The following DLG2 variants were observed in gnomAD, a reference collection of about 807,000 sequenced individuals.
DLG2 encodes discs large MAGUK scaffold protein 2, also known as disks large homolog 2.
In DLG2, 45 loss-of-function variants were observed where a neutral mutation model predicts 132.5. The ratio of observed to expected loss-of-function variants is 0.34; its 90% CI spans 0.27 to 0.44. The LOEUF (loss-of-function observed/expected upper bound fraction) is 0.44, where lower values mean the gene tolerates loss of function less well. Among genes scored for constraint, DLG2 ranks in the 20% least tolerant of loss-of-function variants. The probability of loss-of-function intolerance (pLI) is 1.00; values close to 1 mark genes in which losing one functional copy is unlikely to be tolerated. For missense variants in DLG2, 1,045 were observed against 1,196.9 expected (o/e 0.87, Z 1.87); for synonymous variants, 424 against 419.6 (o/e 1.01, Z -0.13).
intron 16 of DLG2, 151 bp from the exon 17 acceptor site, chr11:83,833,921 C>T: frequency 1.3e-6 from 1 of 775,368 alleles, no homozygotes; most frequent in Non-Finnish European, 1.9e-6. Context: ...AAGAAAGAGG[C>T]TAATATCAGG....
intron 18 of DLG2, among the ~76,000 whole-genome samples, chr11:83,782,831 C>T (rs1276347281): frequency 1.3e-5 from 2 of 151,810 alleles, no homozygotes; most frequent in African/African-American, 2.4e-5. Context: ...ATTCTGAAAT[C>T]AAAGGGGAAG....
chr11:85,332,861 G>C (rs1003629634), intron 3 of DLG2, among the ~76,000 whole-genome samples: 3 of 152,182 alleles, frequency 2.0e-5, no homozygotes, highest in Admixed American at 6.5e-5. Flanking sequence ...TAGACTTGTA[G>C]TATAGTTTGA....
chr11:83,851,920 TAAAAAAAAA>T (rs754089296), intron 16 of DLG2, among the ~76,000 whole-genome samples: 1 of 128,524 alleles, frequency 7.8e-6, no homozygotes, highest in Admixed American at 7.8e-5. Flanking sequence ...CTCCGTCTCT[TAAAAAAAAA>T]AAAAAAAAAG....
chr11:85,498,584 T>C (rs1190113048), intron 3 of DLG2, among the ~76,000 whole-genome samples: 4 of 152,124 alleles, frequency 2.6e-5, no homozygotes, highest in Non-Finnish European at 5.9e-5. Context: ...GCAGACCTAA[T>C]AGACTTCTAC....
At chr11:85,015,409 AT>A (rs1349788003) in intron 6 of DLG2, among the ~76,000 whole-genome samples, 9 of 47,866 alleles carry the variant, frequency 1.9e-4, no homozygotes, top group African/African-American at 6.5e-4. Flanking sequence ...AGCCAGTGTT[AT>A]TTAAAAAAAA....
At chr11:85,265,199 G>C (rs1490462113) in intron 4 of DLG2, among the ~76,000 whole-genome samples, 1 of 152,062 alleles carries the variant, frequency 6.6e-6, no homozygotes, top group East Asian at 1.9e-4. Flanking sequence ...TCATATTGTA[G>C]TACAGACTGA....
chr11:83,510,004 A>T (rs2139798350), intron 21 of DLG2, among the ~76,000 whole-genome samples: 1 of 152,346 alleles, frequency 6.6e-6, no homozygotes, highest in Admixed American at 6.5e-5. Flanking sequence ...CAAATATTTA[A>T]GCTATAAATG....
At chr11:83,859,816 G>GA (rs575248828) in intron 16 of DLG2, among the ~76,000 whole-genome samples, 1 of 152,062 alleles carries the variant, frequency 6.6e-6, no homozygotes, top group Non-Finnish European at 1.5e-5. Flanking sequence ...GGTTTAGGGG[G>GA]AAAAAATGGT....
chr11:84,952,346 TCTC>T (rs2051045075), intron 6 of DLG2, among the ~76,000 whole-genome samples: 1 of 151,874 alleles, frequency 6.6e-6, no homozygotes, highest in Admixed American at 6.6e-5. Flanking sequence ...TGAAACCCCG[TCTC>T]TACTAAAAAT....
chr11:83,763,025 C>G (rs2093979307), intron 18 of DLG2, among the ~76,000 whole-genome samples: 1 of 152,140 alleles, frequency 6.6e-6, no homozygotes, highest in Non-Finnish European at 1.5e-5. Flanking sequence ...GAGCAGCAAC[C>G]TCCCTGTCCA....
intron 6 of DLG2, among the ~76,000 whole-genome samples, chr11:84,840,426 G>A (rs764410726): frequency 4.6e-5 from 7 of 152,188 alleles, no homozygotes; most frequent in Non-Finnish European, 7.3e-5. Context: ...GTGGAAGACA[G>A]TGTGACTAAT....
chr11:83,604,322 A>T (rs1366720482), intron 19 of DLG2, among the ~76,000 whole-genome samples: 2 of 152,222 alleles, frequency 1.3e-5, no homozygotes, highest in Non-Finnish European at 2.9e-5. Context: ...GCACAGGCAA[A>T]TGTTACCAAG....
chr11:83,645,262 T>C (rs918941581), intron 18 of DLG2, among the ~76,000 whole-genome samples: 11 of 152,158 alleles, frequency 7.2e-5, no homozygotes, highest in African/African-American at 2.7e-4. Context: ...TGAGTCCATG[T>C]TGGGACACAT....
chr11:85,508,334 T>G (rs2093981189), intron 3 of DLG2, among the ~76,000 whole-genome samples: 1 of 152,062 alleles, frequency 6.6e-6, no homozygotes, highest in African/African-American at 2.4e-5. Context: ...ACATGCCATC[T>G]ACACCATGTA....
chr11:84,798,994 G>A (rs2075035714), intron 6 of DLG2, among the ~76,000 whole-genome samples: 1 of 152,148 alleles, frequency 6.6e-6, no homozygotes, highest in Non-Finnish European at 1.5e-5. Context: ...GAGGAAAGGA[G>A]TCACTTTCAT....
intron 17 of DLG2, among the ~76,000 whole-genome samples, chr11:83,799,938 G>T (rs2043902531): frequency 6.6e-6 from 1 of 152,116 alleles, no homozygotes; most frequent in African/African-American, 2.4e-5. Context: ...ATACAAGATG[G>T]GGATAATAAG....
intron 6 of DLG2, among the ~76,000 whole-genome samples, chr11:84,963,660 T>G (rs1455645742): frequency 6.6e-6 from 1 of 152,216 alleles, no homozygotes; most frequent in African/African-American, 2.4e-5. Context: ...TTCAGATGAT[T>G]CATATGAAGG....
chr11:84,665,347 G>A (rs925401499), intron 6 of DLG2, among the ~76,000 whole-genome samples: 10 of 152,066 alleles, frequency 6.6e-5, no homozygotes, highest in Non-Finnish European at 1.3e-4. Context: ...CAAATAATTT[G>A]CACAATATTA....
At chr11:83,965,181 A>G in intron 13 of DLG2, 143 bp downstream of exon 13, 1 of 837,056 alleles carries the variant, frequency 1.2e-6, no homozygotes, top group East Asian at 2.8e-5. Context: ...GCAACATAGG[A>G]GTGGAGTTTA....
Sources: allele counts gnomAD v4.1 joint callset (sites outside exome capture counted in the v4.1 genomes callset), GRCh38; gene constraint gnomAD v4.1.1; transcripts MANE v1.5; gene names NCBI Gene and HGNC (gene_info 2026-07-23, HGNC 2026-07-21).